The following ATR variants were observed in gnomAD, a reference collection of about 807,000 sequenced individuals.
ATR encodes the protein serine/threonine-protein kinase ATR.
Under a neutral mutation model 305.3 loss-of-function variants are expected in ATR, and 142 were observed. The ratio of observed to expected loss-of-function variants is 0.47; its 90% CI spans 0.41 to 0.53. The LOEUF (loss-of-function observed/expected upper bound fraction) is 0.53, where lower values mean the gene tolerates loss of function less well. ATR is among the 20% of genes least tolerant of loss of function. ATR has a pLI of 0.00. For synonymous variants in ATR, 1,050 were observed against 1,068.1 expected (o/e 0.98, Z 0.33); for missense variants, 2,135 against 3,133.1 (o/e 0.68, Z 7.60).
chr3:142,562,573 A>G lies in ATR; in HGVS notation c.829T>C (p.Leu277=), dbSNP rs775530116. The stretch of plus-strand genomic sequence containing the variant: ...GTATCCATTTCTACAAGGTGTTTTA[A>G]TAATTCCAAAAATGAGCTGAAAAAA... ...STFFSSFLEL[L]KHLVEMDTDQ... Residue 277 remains leucine, a synonymous_variant, in exon 4 of 47, where the codon TTA becomes CTA. Coordinates refer to ENST00000350721, the MANE Select transcript of ATR (RefSeq NM_001184.4). The G allele has an allele frequency of 1.9e-6, 3 of 1,614,010 alleles. No individual in the cohort carries two copies. The highest frequency in any genetic ancestry group is 4.5e-5 in the East Asian group (2 of 44,876).
intron 24 of ATR, among the ~76,000 whole-genome samples, chr3:142,517,200 C>A (rs2032905019): frequency 1.3e-5 from 2 of 151,588 alleles, no homozygotes; most frequent in African/African-American, 4.8e-5. Flanking sequence ...ACAAGCCAGG[C>A]TCTGCCTAGT....
At chr3:142,524,700 T>C (rs1169240835) in intron 21 of ATR, among the ~76,000 whole-genome samples, 1 of 151,934 alleles carries the variant, frequency 6.6e-6, no homozygotes, top group Admixed American at 6.6e-5. Context: ...GTATAACAAC[T>C]AGTAAAGAAG....
intron 26 of ATR, 32 bp from the exon 27 acceptor site, chr3:142,512,502 T>C (rs375873957): frequency 4.5e-4 from 668 of 1,484,794 alleles, no homozygotes; most frequent in Middle Eastern, 8.3e-4. Context: ...AATAATAATA[T>C]CTATATAATA....
At chr3:142,567,197 C>A (rs1011337267) in intron 2 of ATR, among the ~76,000 whole-genome samples, 1 of 152,066 alleles carries the variant, frequency 6.6e-6, no homozygotes, top group Non-Finnish European at 1.5e-5. Flanking sequence ...AGTGGGGCGC[C>A]AAACAAACCA....
At position 142,555,897 on chromosome 3, in the gene ATR, A is replaced by ATTTTTTT. The variant is rs757500301; in HGVS notation, c.2314_2320dup (p.Ile774LysfsTer5). The ATTTTTTT allele has an allele frequency of 6.6e-7, 1 of 1,508,942 alleles. No homozygotes were observed. Among genetic ancestry groups the ATTTTTTT allele is most frequent in the Non-Finnish European group, 9.0e-7 (1 of 1,106,552 alleles). The allele number at this position is 1,508,942 out of a possible 1,614,324, so 93.5% of individuals were successfully genotyped here. A position where few individuals can be genotyped will look rare whatever the true frequency, so the allele number is the denominator to read the frequency against. On this transcript the variant is annotated frameshift_variant, in exon 10 of 47. Coordinates refer to ENST00000350721, the MANE Select transcript of ATR (RefSeq NM_001184.4). LOFTEE classifies it high-confidence loss of function. ...CTCACCAAGTTTTACTGGACTAGGTATTTTTTTTTTCAGTAGGAAAAGGAA... is the reference window on the plus strand; with the variant it reads ...CTCACCAAGTTTTACTGGACTAGGTATTTTTTTTTTTTTTTTTCAGTAGGAAAAGGAA...
At chr3:142,555,327 T>C (rs1049211479) in intron 10 of ATR, among the ~76,000 whole-genome samples, 3 of 117,642 alleles carry the variant, frequency 2.6e-5, no homozygotes, top group African/African-American at 8.5e-5. Context: ...ATTTAGGGAG[T>C]ACTTTCTATT....
chr3:142,496,336 A>G (rs7620648), intron 34 of ATR, 25 bp downstream of exon 34: 2 of 524,466 alleles, frequency 3.8e-6, no homozygotes, highest in Admixed American at 2.7e-5. Context: ...ATATATATAT[A>G]TGATGACATT....
In ATR at chr3:142,492,513, C is replaced by T. The variant is rs143067997; in HGVS notation, c.6078+619G>A. Among the ~76,000 whole-genome samples the T allele has an allele frequency of 3.7e-4, 56 of 152,270 alleles. 1 individual carries two copies. Among genetic ancestry groups the T allele is most frequent in the African/African-American group, 1.1e-3 (47 of 41,564 alleles). On this transcript the variant is annotated intron_variant, in intron 35 of 46. Transcript: ENST00000350721. The stretch of plus-strand genomic sequence containing the variant: ...CTGTCCCACAAATTCTAGCCACCTG[C>T]TCTTTGCTTTATTATTTCCTTTCTT...
chr3:142,490,164 T>C (rs2031193282), intron 35 of ATR, among the ~76,000 whole-genome samples: 1 of 152,228 alleles, frequency 6.6e-6, no homozygotes, highest in Non-Finnish European at 1.5e-5. Flanking sequence ...GCTCAAGTGA[T>C]CCTCCTGCTT....
intron 32 of ATR, among the ~76,000 whole-genome samples, chr3:142,497,996 A>C (rs535220917): frequency 1.3e-5 from 2 of 152,226 alleles, no homozygotes; most frequent in Non-Finnish European, 2.9e-5. Flanking sequence ...TCAGTGGTCC[A>C]ATCTCTAGTT....
intron 21 of ATR, 106 bp from the exon 22 acceptor site, chr3:142,524,305 G>C: frequency 8.8e-7 from 1 of 1,138,706 alleles, no homozygotes. Flanking sequence ...CATAAATATT[G>C]ACAAAATTAA....
intron 46 of ATR, chr3:142,450,275 G>A: frequency 2.6e-6 from 2 of 758,180 alleles, no homozygotes; most frequent in Non-Finnish European, 2.3e-6. Context: ...TTTCCCTTTT[G>A]CAGTTGCAAA....
intron 36 of ATR, 138 bp from the exon 37 acceptor site, chr3:142,470,321 T>G (rs1313159600): frequency 1.4e-6 from 1 of 736,346 alleles, no homozygotes; most frequent in Non-Finnish European, 2.2e-6. Flanking sequence ...AGAAGTTATT[T>G]TTGACTCCTC....
chr3:142,497,895 A>G (rs1425131403), intron 32 of ATR, among the ~76,000 whole-genome samples: 1 of 152,168 alleles, frequency 6.6e-6, no homozygotes, highest in Non-Finnish European at 1.5e-5. Context: ...CATTCACACT[A>G]GCTTTTTCCC....
chr3:142,528,889 T>A (rs1189502721), intron 21 of ATR, among the ~76,000 whole-genome samples: 9 of 95,922 alleles, frequency 9.4e-5, no homozygotes, highest in East Asian at 2.6e-4. Context: ...ATTTTTTTTT[T>A]TTTTTTTTTT....
At chr3:142,451,792 T>C in intron 46 of ATR, 4 of 1,224,340 alleles carry the variant, frequency 3.3e-6, no homozygotes, top group Non-Finnish European at 4.2e-6. Flanking sequence ...GCTGGCTTTG[T>C]CCAGTTAGAT....
chr3:142,562,837 A>C lies in ATR; in HGVS notation c.565T>G (p.Leu189Val), dbSNP rs1271712619. The C allele has an allele frequency of 6.2e-7, 1 of 1,607,930 alleles. No individual in the cohort carries two copies. The highest frequency in any genetic ancestry group is 2.2e-5 in the East Asian group (1 of 44,858). The part of the protein sequence containing the change: ...LSQLDEHMGY[L>V]QSAPLQLMSM... ...ATCAACTGCAAAGGAGCTGATTGTA[A>C]ATATCCCATGTGTTCATCTAATTGA... is the stretch of plus-strand genomic sequence containing the variant. The change falls in exon 4 of 47, where the codon TTA becomes GTA. Residue 189 changes from leucine to valine, a missense_variant. Around this residue, in one of 9 missense-constraint regions of ATR, gnomAD observed 744 missense variants for 873.2 expected, o/e 0.85. Coordinates refer to ENST00000350721, the MANE Select transcript of ATR (RefSeq NM_001184.4).
intron 2 of ATR, among the ~76,000 whole-genome samples, chr3:142,567,590 T>G (rs2035118035): frequency 6.6e-6 from 1 of 152,196 alleles, no homozygotes; most frequent in South Asian, 2.1e-4. Flanking sequence ...GTTGGTAATA[T>G]TCTGTCTAGC....
At chr3:142,452,361 A>G (rs953808550) in intron 46 of ATR, 2 of 987,106 alleles carry the variant, frequency 2.0e-6, no homozygotes, top group African/African-American at 3.5e-5. Context: ...CGAATCCTCA[A>G]TCTATTCTAA....
Sources: gnomAD v4.1 joint callset for allele counts (sites outside exome capture counted in the v4.1 genomes callset) on GRCh38, gnomAD v4.1.1 for gene constraint, gnomAD v4.1.1 regional missense constraint, MANE v1.5 for transcripts, NCBI Gene and HGNC (gene_info 2026-07-23, HGNC 2026-07-21) for gene names.